The following C12orf75 variants were observed in gnomAD, a reference collection of about 807,000 sequenced individuals.
The protein encoded by C12orf75 is chromosome 12 open reading frame 75, also known as overexpressed in colon carcinoma 1 protein.
Under a neutral mutation model 11.4 loss-of-function variants are expected in C12orf75, and 4 were observed. The ratio of observed to expected loss-of-function variants is 0.35; its 90% CI spans 0.17 to 0.80. C12orf75 has a LOEUF of 0.80. Ranked by LOEUF, C12orf75 falls within the 30% of genes least tolerant of loss-of-function variation. C12orf75 has a pLI of 0.52. For missense variants in C12orf75, 89 were observed against 80.4 expected (o/e 1.11, Z -0.41); for synonymous variants, 30 against 30.0 (o/e 1.00, Z 0.00).
chr12:105,354,901 G>A (rs80300347), intron 2 of C12orf75, among the ~76,000 whole-genome samples: 8,340 of 152,206 alleles, frequency 0.055, 278 homozygotes, highest in African/African-American at 0.074. Context: ...AGGGAGGACG[G>A]GGAGGGATGG....
chr12:105,365,951 G>A, intron 3 of C12orf75, 109 bp downstream of exon 3: 5 of 786,998 alleles, frequency 6.4e-6, no homozygotes, highest in Non-Finnish European at 6.7e-6. Flanking sequence ...CAGGAAAACT[G>A]TTGGCACAGA....
intron 1 of C12orf75, among the ~76,000 whole-genome samples, chr12:105,342,337 G>A (rs913401288): frequency 1.3e-5 from 2 of 152,046 alleles, no homozygotes; most frequent in Non-Finnish European, 2.9e-5. Flanking sequence ...GTGGGTTGCT[G>A]TAAAAGCAAG....
At chr12:105,331,539 A>G (rs963934147) in intron 1 of C12orf75, among the ~76,000 whole-genome samples, 1 of 152,010 alleles carries the variant, frequency 6.6e-6, no homozygotes, top group East Asian at 1.9e-4. Flanking sequence ...GATGTTTTAC[A>G]TATGTGAGAC....
At chr12:105,350,303 C>T (rs774675597) in intron 2 of C12orf75, among the ~76,000 whole-genome samples, 33 of 152,218 alleles carry the variant, frequency 2.2e-4, no homozygotes, top group Non-Finnish European at 4.3e-4. Context: ...ATGTTTTAGC[C>T]TCAAACCGAC....
intron 1 of C12orf75, among the ~76,000 whole-genome samples, chr12:105,335,531 AC>A (rs2136139691): frequency 6.6e-6 from 1 of 152,260 alleles, no homozygotes; most frequent in Non-Finnish European, 1.5e-5. Context: ...TGTGGGAAAC[AC>A]TTTTTTGCTG....
intron 2 of C12orf75, among the ~76,000 whole-genome samples, chr12:105,360,674 C>T (rs112709676): frequency 0.012 from 1,773 of 152,174 alleles, 41 homozygotes; most frequent in African/African-American, 0.04. Context: ...TTTTTTGAGA[C>T]GGGGCCTTGC....
chr12:105,349,621 A>T (rs552583205), intron 2 of C12orf75, among the ~76,000 whole-genome samples: 1 of 152,344 alleles, frequency 6.6e-6, no homozygotes, highest in African/African-American at 2.4e-5. Flanking sequence ...CATGCCTGTA[A>T]TCCCAGCACT....
chr12:105,353,372 G>T (rs1481230101), intron 2 of C12orf75: 1 of 152,198 alleles, frequency 6.6e-6, no homozygotes, highest in Non-Finnish European at 1.5e-5. Context: ...CTAGGGCTGG[G>T]CTCTCTTGGC....
chr12:105,336,320 T>C (rs1304077359), intron 1 of C12orf75, among the ~76,000 whole-genome samples: 1 of 152,232 alleles, frequency 6.6e-6, no homozygotes, highest in Non-Finnish European at 1.5e-5. Flanking sequence ...GTACAAATCC[T>C]ACATTTGCCA....
chr12:105,370,806 C>T lies in C12orf75; in HGVS notation c.*206C>T. 1.1e-5 allele frequency: 5 copies of T among 442,764 alleles called. No homozygotes were observed. Among genetic ancestry groups the T allele is most frequent in the Non-Finnish European group, 1.8e-5 (4 of 217,850 alleles). The allele number at this position is 442,764 out of a possible 1,614,324, so 27.4% of individuals were successfully genotyped here. A position where few individuals can be genotyped will look rare whatever the true frequency, so the allele number is the denominator to read the frequency against. ...TGGTAATAGAAGGGAATTGGTTAAACAGTACACTTGTTTATGGAACTTTCT... is the reference window on the plus strand; with the variant it reads ...TGGTAATAGAAGGGAATTGGTTAAATAGTACACTTGTTTATGGAACTTTCT... On this transcript the variant is annotated 3_prime_UTR_variant, in exon 6 of 6. Transcript: ENST00000443585.
Position 105,336,565 on chromosome 12 carries a change from G to A in C12orf75, c.46+5628G>A, listed in dbSNP as rs865850914. Among the ~76,000 whole-genome samples, 18 of 152,330 alleles carry A rather than the reference G, an allele frequency of 1.2e-4. No homozygotes were observed. In the South Asian group the frequency reaches 2.7e-3, roughly 23 times the overall value. On this transcript the variant is annotated intron_variant, in intron 1 of 5. Coordinates refer to ENST00000443585, the MANE Select transcript of C12orf75 (RefSeq NM_001145199.2). ...GGCGTGAGCCACTGAAGGCGTGTACGTATAGAAGTGGCATCATTCACAGCT... is the reference window on the plus strand; with the variant it reads ...GGCGTGAGCCACTGAAGGCGTGTACATATAGAAGTGGCATCATTCACAGCT...
chr12:105,337,398 G>C lies in C12orf75; in HGVS notation c.46+6461G>C, dbSNP rs1399512541. Among the ~76,000 whole-genome samples, 3 of 152,290 alleles carry C rather than the reference G, an allele frequency of 2.0e-5. No homozygotes were observed. In the East Asian group the frequency reaches 5.8e-4, roughly 29 times the overall value. ...ATCATTTCAGGGCTGGCCAAGTGAG[G>C]AGAGCAGAGAGAAATTTCTCAAACC... On this transcript the variant is annotated intron_variant, in intron 1 of 5. Coordinates refer to ENST00000443585, the MANE Select transcript of C12orf75 (RefSeq NM_001145199.2).
At chr12:105,344,745 CAAAA>C (rs35185869) in intron 1 of C12orf75, among the ~76,000 whole-genome samples, 4 of 102,568 alleles carry the variant, frequency 3.9e-5, no homozygotes, top group South Asian at 3.4e-4. Flanking sequence ...GACTCTGTGT[CAAAA>C]AAAAAAAAAA....
rs995028330 is a variant in C12orf75, at chr12:105,346,520, AT to A, written c.47-2073del. Among the ~76,000 whole-genome samples, 116 of 151,756 alleles carry A rather than the reference AT, an allele frequency of 7.6e-4. No homozygotes were observed. In the East Asian group the frequency reaches 0.012, roughly 15 times the overall value. ...TGTTGGCAGTTTTTCCTGTGTTAAG[AT>A]TTTTTTTTAAGTTTAGGATCTTTTG... is the stretch of plus-strand genomic sequence containing the variant. On this transcript the variant is annotated intron_variant, in intron 1 of 5. Coordinates refer to ENST00000443585, the MANE Select transcript of C12orf75 (RefSeq NM_001145199.2).
At chr12:105,358,569 T>A (rs994709072) in intron 2 of C12orf75, among the ~76,000 whole-genome samples, 5 of 152,194 alleles carry the variant, frequency 3.3e-5, no homozygotes, top group African/African-American at 1.2e-4. Context: ...GTTTTCCTGA[T>A]AAGATGGTAT....
intron 4 of C12orf75, 128 bp downstream of exon 4, chr12:105,366,824 G>A (rs1566143408): frequency 3.4e-6 from 2 of 586,592 alleles, no homozygotes; most frequent in South Asian, 2.4e-5. Context: ...CCATGTATAA[G>A]TACTGTCTGT....
chr12:105,360,614 G>A (rs1892848309), intron 2 of C12orf75, among the ~76,000 whole-genome samples: 1 of 152,134 alleles, frequency 6.6e-6, no homozygotes, highest in Non-Finnish European at 1.5e-5. Flanking sequence ...GCTCCTTTTG[G>A]CACTTACATG....
chr12:105,356,439 CTTTTTTTTTTT>C (rs77310165), intron 2 of C12orf75, among the ~76,000 whole-genome samples: 3 of 106,322 alleles, frequency 2.8e-5, no homozygotes, highest in African/African-American at 6.6e-5. Flanking sequence ...AGACTACAGG[CTTTTTTTTTTT>C]TTTTTTTTTT....
intron 2 of C12orf75, among the ~76,000 whole-genome samples, chr12:105,357,841 GAGACAGAC>G (rs548894494): frequency 2.0e-5 from 3 of 149,088 alleles, no homozygotes; most frequent in African/African-American, 5.0e-5. Flanking sequence ...GAGAGAGAGA[GAGACAGAC>G]AGACAGACAG....
Sources: gnomAD v4.1 joint callset for allele counts (sites outside exome capture counted in the v4.1 genomes callset) on GRCh38, gnomAD v4.1.1 for gene constraint, MANE v1.5 for transcripts, NCBI Gene and HGNC (gene_info 2026-07-23, HGNC 2026-07-21) for gene names.